The following NALF1 variants were observed in gnomAD, a reference collection of about 807,000 sequenced individuals.
The protein encoded by NALF1 is family with sequence similarity 155 member A.
A neutral mutation model predicts 48.4 loss-of-function variants in NALF1; 3 were observed. That is an observed-to-expected ratio of 0.06 (90% CI 0.03 to 0.16). The LOEUF (loss-of-function observed/expected upper bound fraction) is 0.16, where lower values mean the gene tolerates loss of function less well. Among genes scored for constraint, NALF1 ranks in the 10% least tolerant of loss-of-function variants. The pLI, the probability that NALF1 is intolerant of heterozygous loss-of-function variation, is 1.00. For synonymous variants in NALF1, 262 were observed against 245.7 expected (o/e 1.07, Z -0.62); for missense variants, 526 against 571.5 (o/e 0.92, Z 0.81).
At chr13:107,601,100 C>T (rs1295808991) in intron 1 of NALF1, among the ~76,000 whole-genome samples, 2 of 152,122 alleles carry the variant, frequency 1.3e-5, no homozygotes, top group African/African-American at 4.8e-5. Context: ...CAGTTGGGGA[C>T]CAGCATGTGT....
chr13:107,338,136 T>A (rs1882595167), intron 1 of NALF1, among the ~76,000 whole-genome samples: 2 of 152,230 alleles, frequency 1.3e-5, no homozygotes, highest in African/African-American at 4.8e-5. Flanking sequence ...CGCAGTATAA[T>A]CCTTGTATAC....
At chr13:107,498,856 A>G (rs1359761808) in intron 1 of NALF1, among the ~76,000 whole-genome samples, 1 of 152,190 alleles carries the variant, frequency 6.6e-6, no homozygotes, top group Non-Finnish European at 1.5e-5. Context: ...ATCCAAAAAA[A>G]TCTCTGAGAG....
rs1239661825 is a variant in NALF1, at chr13:107,866,262, T to A, written c.335A>T (p.Glu112Val). The change falls in exon 1 of 3, where the codon GAG becomes GTG. Residue 112 changes from glutamate (E) to valine (V), a missense_variant. Physicochemically the swap from Glu to Val is moderately radical, Grantham distance 121. This residue lies in a region of NALF1 where 373 missense variants were observed against 355.5 expected (regional missense o/e 1.05). Coordinates refer to ENST00000375915, the MANE Select transcript of NALF1 (RefSeq NM_001080396.3). The surrounding 1 kb of genome is among the most constrained non-coding windows in gnomAD (Gnocchi z 4.4). ...SWPALLASMG[E>V]SSPAAQAHRL... Reference sequence around the variant, plus strand: ...GTGTGCCTGGGCGGCGGGCGAGGACTCCCCCATGCTCGCCAGGAGCGCGGG... The same window carrying A: ...GTGTGCCTGGGCGGCGGGCGAGGACACCCCCATGCTCGCCAGGAGCGCGGG... 3.8e-6 allele frequency: 6 copies of A among 1,595,166 alleles called. No individual in the cohort carries two copies. The highest frequency in any genetic ancestry group is 1.1e-5 in the South Asian group (1 of 89,948).
intron 1 of NALF1, among the ~76,000 whole-genome samples, chr13:107,764,521 T>G (rs1877369359): frequency 6.6e-6 from 1 of 152,100 alleles, no homozygotes; most frequent in Non-Finnish European, 1.5e-5. Flanking sequence ...TAAAGTATTC[T>G]AATGAAGGGA....
chr13:107,434,062 G>A (rs1453767175), intron 1 of NALF1, among the ~76,000 whole-genome samples: 2 of 152,168 alleles, frequency 1.3e-5, no homozygotes, highest in African/African-American at 2.4e-5. Context: ...CTGAGAAGCT[G>A]CATATTTCTG....
chr13:107,526,758 A>G (rs991495829), intron 1 of NALF1, among the ~76,000 whole-genome samples: 2 of 152,182 alleles, frequency 1.3e-5, no homozygotes, highest in African/African-American at 4.8e-5. Flanking sequence ...TTTAGAGAGC[A>G]TTAAACTTAA....
intron 1 of NALF1, among the ~76,000 whole-genome samples, chr13:107,540,299 A>T (rs1204325111): frequency 2.0e-5 from 3 of 152,080 alleles, no homozygotes; most frequent in East Asian, 3.9e-4. Context: ...ACCTCTGCTA[A>T]AGCTGAAATA....
chr13:107,196,789 G>A (rs935219322), intron 2 of NALF1, among the ~76,000 whole-genome samples: 6 of 152,042 alleles, frequency 3.9e-5, no homozygotes, highest in East Asian at 3.8e-4. Flanking sequence ...TAATAATAGC[G>A]TATTGTATTC....
At chr13:107,837,393 G>T (rs559237545) in intron 1 of NALF1, among the ~76,000 whole-genome samples, 164 of 152,264 alleles carry the variant, frequency 1.1e-3, no homozygotes, top group African/African-American at 3.9e-3. Context: ...CTGATTCATG[G>T]GATGGCGTTG....
At chr13:107,269,215 G>A (rs1260426397) in intron 1 of NALF1, among the ~76,000 whole-genome samples, 1 of 151,984 alleles carries the variant, frequency 6.6e-6, no homozygotes, top group African/African-American at 2.4e-5. Context: ...AATTGTGGGT[G>A]GGAGTACAGT....
chr13:107,852,800 T>C (rs1381519582), intron 1 of NALF1, among the ~76,000 whole-genome samples: 2 of 152,008 alleles, frequency 1.3e-5, no homozygotes, highest in Non-Finnish European at 1.5e-5. Flanking sequence ...AAAAACACAA[T>C]AGAAAAAGTA....
intron 1 of NALF1, among the ~76,000 whole-genome samples, chr13:107,548,101 T>C (rs1566388124): frequency 2.0e-5 from 3 of 152,102 alleles, no homozygotes; most frequent in Non-Finnish European, 2.9e-5. Flanking sequence ...CCAATAGTTA[T>C]TTTTTCTGCT....
intron 1 of NALF1, among the ~76,000 whole-genome samples, chr13:107,853,560 C>T (rs1880371526): frequency 6.6e-6 from 1 of 152,196 alleles, no homozygotes; most frequent in South Asian, 2.1e-4. Context: ...ATTATCCCCA[C>T]AGCTTTAAGA....
At chr13:107,586,071 T>C (rs1051315562) in intron 1 of NALF1, among the ~76,000 whole-genome samples, 4 of 152,006 alleles carry the variant, frequency 2.6e-5, no homozygotes, top group Non-Finnish European at 5.9e-5. Flanking sequence ...GGCATTGATT[T>C]TACTTATATT....
chr13:107,772,406 A>C (rs1877606196), intron 1 of NALF1, among the ~76,000 whole-genome samples: 1 of 152,140 alleles, frequency 6.6e-6, no homozygotes, highest in Non-Finnish European at 1.5e-5. Context: ...TCTGTTATGC[A>C]TTATTAGAGA....
At chr13:107,665,452 A>C (rs953283085) in intron 1 of NALF1, among the ~76,000 whole-genome samples, 1 of 152,146 alleles carries the variant, frequency 6.6e-6, no homozygotes, top group South Asian at 2.1e-4. Flanking sequence ...TATTGTACCT[A>C]ACCAGTTTCC....
intron 1 of NALF1, among the ~76,000 whole-genome samples, chr13:107,249,786 A>C (rs569614437): frequency 3.7e-4 from 57 of 152,202 alleles, no homozygotes; most frequent in African/African-American, 1.3e-3. Context: ...TTGTTCTATA[A>C]GATTTTCTTT....
chr13:107,696,784 G>A (rs2138508469), intron 1 of NALF1, among the ~76,000 whole-genome samples: 1 of 152,136 alleles, frequency 6.6e-6, no homozygotes, highest in African/African-American at 2.4e-5. Context: ...GGAAACATTT[G>A]CATATCTTGC....
At chr13:107,457,573 C>A (rs1055918477) in intron 1 of NALF1, among the ~76,000 whole-genome samples, 1 of 152,284 alleles carries the variant, frequency 6.6e-6, no homozygotes, top group African/African-American at 2.4e-5. Flanking sequence ...CTTAAGGTTT[C>A]ATTTGCTAAA....
Sources: allele counts gnomAD v4.1 joint callset (sites outside exome capture counted in the v4.1 genomes callset), GRCh38; gene constraint gnomAD v4.1.1; regional missense constraint gnomAD v4.1.1; non-coding constraint Gnocchi (gnomAD v3.1); transcripts MANE v1.5; gene names NCBI Gene and HGNC (gene_info 2026-07-23, HGNC 2026-07-21).